The following TNFRSF19 variants were observed in gnomAD, a reference collection of about 807,000 sequenced individuals.
TNFRSF19 encodes the protein tumor necrosis factor receptor superfamily member 19.
In TNFRSF19, 27 loss-of-function variants were observed where a neutral mutation model predicts 46.4. The observed-to-expected ratio is 0.58, with a 90% CI of 0.43 to 0.80. TNFRSF19 has a LOEUF of 0.80. Ranked by LOEUF, TNFRSF19 falls within the 30% of genes least tolerant of loss-of-function variation. The probability of loss-of-function intolerance (pLI) is 0.00; values close to 1 mark genes in which losing one functional copy is unlikely to be tolerated. For synonymous variants in TNFRSF19, 204 were observed against 205.0 expected, an observed-to-expected ratio of 1.00 and a Z score of 0.04; for missense variants, 511 against 530.8, an observed-to-expected ratio of 0.96 and a Z score of 0.37.
At chr13:23,590,668 GT>G (rs1879207757) in intron 2 of TNFRSF19, among the ~76,000 whole-genome samples, 1 of 152,124 alleles carries the variant, frequency 6.6e-6, no homozygotes, top group African/African-American at 2.4e-5. Context: ...CCAATATTAT[GT>G]TTTTATCTCT....
At chr13:23,622,126 C>A (rs1010968953) in intron 4 of TNFRSF19, among the ~76,000 whole-genome samples, 1 of 152,066 alleles carries the variant, frequency 6.6e-6, no homozygotes, top group Non-Finnish European at 1.5e-5. Flanking sequence ...TCATTCAGGC[C>A]TGGCGTGGTG....
chr13:23,619,643 A>T (rs1261485084), intron 4 of TNFRSF19, among the ~76,000 whole-genome samples: 1 of 152,200 alleles, frequency 6.6e-6, no homozygotes, highest in Non-Finnish European at 1.5e-5. Context: ...ATCTTGTGCA[A>T]ATCTAATTGA....
intron 4 of TNFRSF19, among the ~76,000 whole-genome samples, chr13:23,617,151 C>T (rs1439505113): frequency 2.0e-5 from 3 of 152,144 alleles, no homozygotes; most frequent in Admixed American, 2.0e-4. Context: ...AAGGAACCTC[C>T]AGCAAGAGGT....
At position 23,675,782 on chromosome 13, in the gene TNFRSF19, T is replaced by C. The variant is rs556322250; in HGVS notation, c.*2402T>C. Reference sequence around the variant, plus strand: ...TGCTGCAGAAGCTCGTTGACAAGACTGAGGAGGATTTCAAGAGCAACCAAG... The same window carrying C: ...TGCTGCAGAAGCTCGTTGACAAGACCGAGGAGGATTTCAAGAGCAACCAAG... On this transcript the variant is annotated 3_prime_UTR_variant, in exon 10 of 10. Coordinates refer to ENST00000248484, the MANE Select transcript of TNFRSF19 (RefSeq NM_148957.4). 43 of 152,308 alleles carry C rather than the reference T, an allele frequency of 2.8e-4. No individual in the cohort carries two copies. The highest frequency in any genetic ancestry group is 1.0e-3 in the African/African-American group (43 of 41,578). The allele number at this position is 152,308 out of a possible 1,614,324, so 9.4% of individuals were successfully genotyped here.
chr13:23,585,819 A>T (rs977938001), intron 1 of TNFRSF19, among the ~76,000 whole-genome samples: 1 of 152,158 alleles, frequency 6.6e-6, no homozygotes, highest in Non-Finnish European at 1.5e-5. Context: ...TGCACTAAAG[A>T]TATGTCCTTC....
intron 3 of TNFRSF19, among the ~76,000 whole-genome samples, chr13:23,603,951 T>C (rs796785608): frequency 7.4e-4 from 113 of 152,010 alleles, no homozygotes; most frequent in African/African-American, 2.6e-3. Context: ...GCAAGGATGT[T>C]CCCTTTCACC....
chr13:23,586,109 T>A (rs920414167), intron 1 of TNFRSF19, among the ~76,000 whole-genome samples: 1 of 151,006 alleles, frequency 6.6e-6, no homozygotes, highest in Non-Finnish European at 1.5e-5. Context: ...ATACAAAAAA[T>A]TATCCGGGCG....
chr13:23,609,142 C>CA (rs1443457777), intron 3 of TNFRSF19, among the ~76,000 whole-genome samples: 6 of 152,144 alleles, frequency 3.9e-5, no homozygotes, highest in Admixed American at 3.3e-4. Context: ...GTCGCTGAGC[C>CA]ATGTGGAGTC....
At chr13:23,591,722 TTCTTTC>T (rs1407992995) in intron 2 of TNFRSF19, among the ~76,000 whole-genome samples, 11 of 134,030 alleles carry the variant, frequency 8.2e-5, no homozygotes, top group East Asian at 2.1e-4. Context: ...TTTTCTTTCT[TTCTTTC>T]TTTTTTTTTT....
At chr13:23,592,490 A>C (rs1338491455) in intron 2 of TNFRSF19, among the ~76,000 whole-genome samples, 1 of 152,222 alleles carries the variant, frequency 6.6e-6, no homozygotes, top group Non-Finnish European at 1.5e-5. Context: ...TATATTTTGG[A>C]AAATGACAAA....
At chr13:23,594,366 A>G (rs1458531452) in intron 3 of TNFRSF19, 2 of 430,132 alleles carry the variant, frequency 4.6e-6, no homozygotes, top group African/African-American at 2.0e-5. Context: ...TGAAATTCTC[A>G]CTGCCAGCAC....
intron 1 of TNFRSF19, among the ~76,000 whole-genome samples, chr13:23,575,107 C>G (rs879745298): frequency 7.9e-5 from 12 of 152,342 alleles, no homozygotes; most frequent in African/African-American, 2.6e-4. Flanking sequence ...GGCTGCTGCC[C>G]AGCCAGCCTG....
chr13:23,580,808 A>G (rs914747617), intron 1 of TNFRSF19, among the ~76,000 whole-genome samples: 1 of 152,250 alleles, frequency 6.6e-6, no homozygotes, highest in African/African-American at 2.4e-5. Context: ...TTTGCACAAT[A>G]TAGCCTTGGC....
intron 1 of TNFRSF19, among the ~76,000 whole-genome samples, chr13:23,573,936 CCTGTAGTCCCAGCTA>C (rs1347995904): frequency 1.3e-5 from 2 of 151,920 alleles, no homozygotes; most frequent in Non-Finnish European, 2.9e-5. Flanking sequence ...GTGGCAGGCG[CCTGTAGTCCCAGCTA>C]CTTGGGAGGC....
At chr13:23,660,535 A>G (rs751158626) in intron 7 of TNFRSF19, 45 bp downstream of exon 7, 1 of 1,595,334 alleles carries the variant, frequency 6.3e-7, no homozygotes, top group Admixed American at 1.7e-5. Flanking sequence ...GGAGGTACAC[A>G]GAAGCTGAAG....
intron 3 of TNFRSF19, among the ~76,000 whole-genome samples, chr13:23,614,355 G>A (rs1881107303): frequency 6.6e-6 from 1 of 152,210 alleles, no homozygotes. Context: ...TTAAGTACAG[G>A]CAGCACTATC....
At chr13:23,574,472 TTC>T (rs2138129801) in intron 1 of TNFRSF19, among the ~76,000 whole-genome samples, 1 of 152,140 alleles carries the variant, frequency 6.6e-6, no homozygotes, top group South Asian at 2.1e-4. Context: ...GTTTTTTTTT[TTC>T]CTTTTATATA....
At chr13:23,637,850 A>G (rs1882784603) in intron 5 of TNFRSF19, among the ~76,000 whole-genome samples, 1 of 152,220 alleles carries the variant, frequency 6.6e-6, no homozygotes, top group Non-Finnish European at 1.5e-5. Flanking sequence ...GCCTTCTCCA[A>G]ATGCAAGGGA....
At chr13:23,590,002 C>A (rs1461319638) in intron 1 of TNFRSF19, 148 bp from the exon 2 acceptor site, 2 of 374,614 alleles carry the variant, frequency 5.3e-6, no homozygotes, top group African/African-American at 2.1e-5. Flanking sequence ...TATTATTTGT[C>A]TTTTTTCTTT....
Sources: gnomAD v4.1 joint callset for allele counts (sites outside exome capture counted in the v4.1 genomes callset) on GRCh38, gnomAD v4.1.1 for gene constraint, MANE v1.5 for transcripts, NCBI Gene and HGNC (gene_info 2026-07-23, HGNC 2026-07-21) for gene names.